The following TNRC6A variants were observed in gnomAD, a reference collection of about 807,000 sequenced individuals.
TNRC6A encodes the protein trinucleotide repeat-containing gene 6A protein.
Under a neutral mutation model 221.2 loss-of-function variants are expected in TNRC6A, and 44 were observed. The ratio of observed to expected loss-of-function variants is 0.20; its 90% CI spans 0.16 to 0.26. TNRC6A has a LOEUF of 0.26. TNRC6A is among the 10% of genes least tolerant of loss of function. TNRC6A has a pLI of 1.00. For synonymous variants in TNRC6A, 847 were observed against 838.5 expected, an observed-to-expected ratio of 1.01 and a Z score of -0.18; for missense variants, 2,199 against 2,404.4, an observed-to-expected ratio of 0.91 and a Z score of 1.79.
chr16:24,645,499 A>G (rs1464973247), intron 2 of TNRC6A, among the ~76,000 whole-genome samples: 3 of 151,600 alleles, frequency 2.0e-5, no homozygotes, highest in Non-Finnish European at 4.4e-5. Flanking sequence ...CAAAAAAAAA[A>G]CAAAAAACAA....
At chr16:24,791,861 GTTA>G (rs775208648) in intron 6 of TNRC6A, 44 bp downstream of exon 6, 4 of 1,447,056 alleles carry the variant, frequency 2.8e-6, no homozygotes, top group Non-Finnish European at 3.6e-6. Flanking sequence ...TTAACTTACT[GTTA>G]TTATAAGATT....
intron 1 of TNRC6A, among the ~76,000 whole-genome samples, chr16:24,635,474 G>C (rs567821113): frequency 6.6e-6 from 1 of 151,884 alleles, no homozygotes; most frequent in Non-Finnish European, 1.5e-5. Flanking sequence ...GTACAGACAG[G>C]GTTTCACCAT....
chr16:24,676,418 T>C (rs1051032537), intron 2 of TNRC6A, among the ~76,000 whole-genome samples: 7 of 152,114 alleles, frequency 4.6e-5, no homozygotes, highest in Non-Finnish European at 8.8e-5. Context: ...TGCCTCAGCC[T>C]CTCAAGTAGC....
chr16:24,750,300 A>G (rs990910675), intron 2 of TNRC6A, among the ~76,000 whole-genome samples: 3 of 152,242 alleles, frequency 2.0e-5, no homozygotes, highest in Non-Finnish European at 4.4e-5. Flanking sequence ...AAGGAAAACT[A>G]AAGGTAGCTT....
At chr16:24,796,811 A>G (rs762075352) in intron 9 of TNRC6A, among the ~76,000 whole-genome samples, 2 of 152,168 alleles carry the variant, frequency 1.3e-5, no homozygotes, top group Non-Finnish European at 2.9e-5. Flanking sequence ...ATAGATCTCT[A>G]TGGCTTCCAG....
At chr16:24,680,804 T>C (rs7203323) in intron 2 of TNRC6A, among the ~76,000 whole-genome samples, 47,784 of 151,576 alleles carry the variant, frequency 0.32, 8,284 homozygotes, top group African/African-American at 0.47. Context: ...CTGTCACCCA[T>C]GCTGGACTGC....
chr16:24,780,391 C>T, intron 5 of TNRC6A, among the ~76,000 whole-genome samples: 1 of 152,188 alleles, frequency 6.6e-6, no homozygotes, highest in East Asian at 1.9e-4. Flanking sequence ...TAAGCATAGT[C>T]TCCTATACAA....
chr16:24,611,072 G>C (rs1384035498), intron 1 of TNRC6A, among the ~76,000 whole-genome samples: 2 of 152,050 alleles, frequency 1.3e-5, no homozygotes, highest in African/African-American at 4.8e-5. Flanking sequence ...CTTGGCCTCC[G>C]AAAGAGCTGG....
At chr16:24,626,956 T>G (rs1467814556) in intron 1 of TNRC6A, among the ~76,000 whole-genome samples, 2 of 51,314 alleles carry the variant, frequency 3.9e-5, no homozygotes, top group Non-Finnish European at 6.9e-5. Flanking sequence ...CCAGCCTGTT[T>G]TTTTTTTTTT....
upstream of TNRC6A, chr16:24,729,588 G>C (rs1178566047): frequency 7.5e-6 from 3 of 399,680 alleles, no homozygotes; most frequent in African/African-American, 6.3e-5. Context: ...CAGTTGCTAG[G>C]GCCTCCATCT....
chr16:24,636,018 T>C (rs2141713073), intron 1 of TNRC6A, among the ~76,000 whole-genome samples: 1 of 152,370 alleles, frequency 6.6e-6, no homozygotes, highest in Middle Eastern at 3.4e-3. Flanking sequence ...GCATTGGATT[T>C]GGCAATATGC....
chr16:24,771,628 T>TGTTATGTTATGTTA (rs1567449399), intron 4 of TNRC6A, among the ~76,000 whole-genome samples: 4 of 151,794 alleles, frequency 2.6e-5, no homozygotes, highest in African/African-American at 7.3e-5. Flanking sequence ...TGTTATGTTA[T>TGTTATGTTATGTTA]TCAGGAGTTG....
chr16:24,772,715 G>A lies in TNRC6A; in HGVS notation c.164-4218G>A, dbSNP rs1158574394. Among the ~76,000 whole-genome samples the A allele has an allele frequency of 2.0e-5, 3 of 152,114 alleles. No homozygotes were observed. The East Asian group carries it at 5.8e-4, about 29-fold the overall frequency. ...TGAGAATCACTTGAACCAGGGAGGT[G>A]GAGGTTGCAGTAAGCCAAGATTGCA... On this transcript the variant is annotated intron_variant, in intron 4 of 24. Coordinates refer to ENST00000395799, the MANE Select transcript of TNRC6A (RefSeq NM_014494.4).
rs144447826 is a variant in TNRC6A at position 24,704,589 on chromosome 16, T to C, written n.403-46137T>C. Among the ~76,000 whole-genome samples, 1,305 of 134,354 alleles carry C rather than the reference T, an allele frequency of 9.7e-3. 14 individuals are homozygous for C. Among genetic ancestry groups the C allele is most frequent in the Non-Finnish European group, 0.013 (832 of 65,246 alleles). The allele number at this position is 134,354 out of a possible 152,430, so 88.1% of individuals were successfully genotyped here. On this transcript the variant is annotated intron_variant and non_coding_transcript_variant, in intron 2 of 2. Coordinates refer to the TNRC6A transcript ENST00000566108. ...CTGAAGCAGGAGAATCACTTGAATC[T>C]GGGAGGTGGAGGTTACAGTGAGCCA...
chr16:24,743,030 G>C (rs1401576541), intron 2 of TNRC6A, among the ~76,000 whole-genome samples: 2 of 152,120 alleles, frequency 1.3e-5, no homozygotes, highest in Non-Finnish European at 2.9e-5. Flanking sequence ...TAGTAATTAA[G>C]CCTTAAAAGA....
At chr16:24,635,530 G>A (rs556859231) in intron 1 of TNRC6A, among the ~76,000 whole-genome samples, 1 of 152,236 alleles carries the variant, frequency 6.6e-6, no homozygotes, top group Admixed American at 6.5e-5. Flanking sequence ...TAATTCGCCT[G>A]CCTTGGCCTC....
intron 22 of TNRC6A, among the ~76,000 whole-genome samples, chr16:24,820,707 G>C (rs141368205): frequency 6.6e-6 from 1 of 152,236 alleles, no homozygotes; most frequent in African/African-American, 2.4e-5. Flanking sequence ...TGAAGACTAG[G>C]GGGGTAGCTT....
intron 9 of TNRC6A, 96 bp downstream of exon 9, chr16:24,796,035 G>A (rs1287223860): frequency 7.2e-7 from 1 of 1,392,000 alleles, no homozygotes; most frequent in East Asian, 2.3e-5. Flanking sequence ...TGTGTGCCAG[G>A]TACTGTGCTT....
chr16:24,699,651 C>G (rs1357530294), intron 2 of TNRC6A, among the ~76,000 whole-genome samples: 2 of 150,132 alleles, frequency 1.3e-5, no homozygotes, highest in Non-Finnish European at 3.0e-5. Flanking sequence ...GTTAGGATTC[C>G]AAGGCTGCAG....
Sources: allele counts gnomAD v4.1 joint callset (sites outside exome capture counted in the v4.1 genomes callset), GRCh38; gene constraint gnomAD v4.1.1; transcripts MANE v1.5; gene names NCBI Gene and HGNC (gene_info 2026-07-23, HGNC 2026-07-21).